The following CAMK2D variants were observed in gnomAD, a reference collection of about 807,000 sequenced individuals.
CAMK2D encodes calcium/calmodulin dependent protein kinase II delta.
In CAMK2D, 37 loss-of-function variants were observed where a neutral mutation model predicts 84.0. The ratio of observed to expected loss-of-function variants is 0.44; its 90% CI spans 0.34 to 0.58. The LOEUF (loss-of-function observed/expected upper bound fraction) is 0.58. CAMK2D is among the 20% of genes least tolerant of loss of function. The pLI is 0.02. For synonymous variants in CAMK2D, 202 were observed against 212.5 expected (o/e 0.95, Z 0.43); for missense variants, 448 against 652.5 (o/e 0.69, Z 3.41).
chr4:113,666,428 C>G (rs571712045), intron 2 of CAMK2D, among the ~76,000 whole-genome samples: 1 of 152,180 alleles, frequency 6.6e-6, no homozygotes, highest in East Asian at 1.9e-4. Context: ...CTCCTGTAAT[C>G]CAGTGAAGTC....
chr4:113,494,048 AT>A (rs1412949697), intron 16 of CAMK2D, among the ~76,000 whole-genome samples: 1 of 151,816 alleles, frequency 6.6e-6, no homozygotes, highest in African/African-American at 2.4e-5. Flanking sequence ...CTTCTTCTAA[AT>A]TTTTTTCAAA....
chr4:113,576,731 G>T (rs543292173), intron 4 of CAMK2D, among the ~76,000 whole-genome samples: 3 of 151,548 alleles, frequency 2.0e-5, no homozygotes, highest in Non-Finnish European at 4.4e-5. Context: ...TTTTAAAAGA[G>T]AATTTTGAAA....
intron 4 of CAMK2D, among the ~76,000 whole-genome samples, chr4:113,606,266 G>C (rs1381258162): frequency 6.6e-6 from 1 of 151,902 alleles, no homozygotes; most frequent in African/African-American, 2.4e-5. Flanking sequence ...GTCAGGAGTT[G>C]GAGACCAGCC....
At chr4:113,637,301 GA>G (rs567371103) in intron 3 of CAMK2D, among the ~76,000 whole-genome samples, 4 of 152,126 alleles carry the variant, frequency 2.6e-5, no homozygotes, top group Non-Finnish European at 5.9e-5. Flanking sequence ...AATTTTGTAG[GA>G]CACGTGTAAT....
rs139871468 is a variant in CAMK2D at position 113,645,782 on chromosome 4, G to A, written c.220+15931C>T. 3.5e-4 allele frequency among the ~76,000 whole-genome samples: 54 copies of A among 152,122 alleles called. No individual in the cohort carries two copies. In the East Asian group the frequency reaches 9.5e-3, roughly 27 times the overall value. ...TCTGGAGTATCATCAAAATGCTCCC[G>A]AGGAAGGTAAGGAAGCAGCTAGCAG... is the stretch of plus-strand genomic sequence containing the variant. On this transcript the variant is annotated intron_variant, in intron 3 of 20. Coordinates refer to ENST00000511664, the MANE Select transcript of CAMK2D (RefSeq NM_001321571.2).
chr4:113,718,178 A>G (rs912469918), intron 2 of CAMK2D, among the ~76,000 whole-genome samples: 4 of 152,186 alleles, frequency 2.6e-5, no homozygotes, highest in Admixed American at 1.3e-4. Context: ...TTGTTATTCA[A>G]ATCAGTCTTA....
intron 2 of CAMK2D, among the ~76,000 whole-genome samples, chr4:113,722,617 G>A (rs1428665954): frequency 1.3e-5 from 2 of 152,080 alleles, no homozygotes; most frequent in Non-Finnish European, 2.9e-5. Context: ...TCCAACTGGG[G>A]TACTCAAGGG....
intron 3 of CAMK2D, among the ~76,000 whole-genome samples, chr4:113,624,373 GATAAT>G (rs1461598502): frequency 6.6e-6 from 1 of 152,122 alleles, no homozygotes; most frequent in Non-Finnish European, 1.5e-5. Flanking sequence ...CTTGGTATAA[GATAAT>G]ATTTTTGCTA....
intron 2 of CAMK2D, among the ~76,000 whole-genome samples, chr4:113,703,418 C>G (rs1275797103): frequency 6.6e-6 from 1 of 152,106 alleles, no homozygotes; most frequent in East Asian, 1.9e-4. Context: ...TTGACTGGCC[C>G]AAACTCAAAC....
At chr4:113,707,657 A>G (rs575552238) in intron 2 of CAMK2D, among the ~76,000 whole-genome samples, 3 of 152,346 alleles carry the variant, frequency 2.0e-5, no homozygotes, top group African/African-American at 7.2e-5. Context: ...CAAGACAAAT[A>G]TACTAAAATG....
At chr4:113,692,144 G>C (rs2099388852) in intron 2 of CAMK2D, among the ~76,000 whole-genome samples, 1 of 152,084 alleles carries the variant, frequency 6.6e-6, no homozygotes, top group Admixed American at 6.6e-5. Context: ...TAAATTCCAG[G>C]TGCCTTGTGT....
At chr4:113,698,614 T>C (rs1164512463) in intron 2 of CAMK2D, among the ~76,000 whole-genome samples, 1 of 152,080 alleles carries the variant, frequency 6.6e-6, no homozygotes, top group African/African-American at 2.4e-5. Context: ...CTAAAACAAC[T>C]CAAACAGTAG....
At chr4:113,745,350 C>T (rs1401143610) in intron 2 of CAMK2D, among the ~76,000 whole-genome samples, 1 of 152,110 alleles carries the variant, frequency 6.6e-6, no homozygotes, top group African/African-American at 2.4e-5. Context: ...TCAATGTTAC[C>T]TTTCTTGCTT....
intron 17 of CAMK2D, among the ~76,000 whole-genome samples, chr4:113,463,929 T>A (rs2097424364): frequency 1.3e-5 from 2 of 152,210 alleles, no homozygotes; most frequent in South Asian, 2.1e-4. Flanking sequence ...ACATAAAAAA[T>A]TTATACTTGT....
chr4:113,548,834 A>G (rs963687208), intron 5 of CAMK2D: 5 of 581,210 alleles, frequency 8.6e-6, no homozygotes, highest in Non-Finnish European at 1.2e-5. Flanking sequence ...ACAAACAAAC[A>G]AAAATTATAT....
intron 2 of CAMK2D, among the ~76,000 whole-genome samples, chr4:113,720,152 T>C (rs2099525997): frequency 6.6e-6 from 1 of 152,038 alleles, no homozygotes; most frequent in African/African-American, 2.4e-5. Context: ...TGTTCAAATG[T>C]CTAGCATTTG....
At chr4:113,517,309 C>T (rs1187800209) in intron 9 of CAMK2D, among the ~76,000 whole-genome samples, 1 of 152,050 alleles carries the variant, frequency 6.6e-6, no homozygotes, top group Non-Finnish European at 1.5e-5. Context: ...GCACTAAGGT[C>T]CAAATATTTT....
At chr4:113,504,931 A>C in intron 14 of CAMK2D, 45 bp downstream of exon 14, 1 of 1,171,678 alleles carries the variant, frequency 8.5e-7, no homozygotes, top group Non-Finnish European at 1.1e-6. Flanking sequence ...CAAAAAAAAA[A>C]AAATGTAAAG....
intron 4 of CAMK2D, among the ~76,000 whole-genome samples, chr4:113,568,444 T>C (rs1031068527): frequency 3.9e-5 from 6 of 152,248 alleles, no homozygotes; most frequent in Admixed American, 1.3e-4. Context: ...TTGCATCGTA[T>C]GTACAGGCTA....
Sources: gnomAD v4.1 joint callset for allele counts (sites outside exome capture counted in the v4.1 genomes callset) on GRCh38, gnomAD v4.1.1 for gene constraint, MANE v1.5 for transcripts, NCBI Gene and HGNC (gene_info 2026-07-23, HGNC 2026-07-21) for gene names.